The following CARM1 variants were observed in gnomAD, a reference collection of about 807,000 sequenced individuals.
CARM1 encodes histone-arginine methyltransferase CARM1.
Under a neutral mutation model 72.7 loss-of-function variants are expected in CARM1, and 14 were observed. That is an observed-to-expected ratio of 0.19 (90% confidence interval 0.13 to 0.30). The LOEUF (loss-of-function observed/expected upper bound fraction) is 0.30, where lower values mean the gene tolerates loss of function less well. Ranked by LOEUF, CARM1 falls within the 10% of genes least tolerant of loss-of-function variation. The pLI, the probability that CARM1 is intolerant of heterozygous loss-of-function variation, is 1.00. For synonymous variants in CARM1, 333 were observed against 345.5 expected (o/e 0.96, Z 0.40); for missense variants, 432 against 833.7 (o/e 0.52, Z 5.93).
At chr19:10,908,930 C>T (rs1453218916) in intron 3 of CARM1, among the ~76,000 whole-genome samples, 173 bp from the exon 4 acceptor site, 2 of 152,200 alleles carry the variant, frequency 1.3e-5, no homozygotes, top group Non-Finnish European at 2.9e-5. Context: ...GGCTGCCCTC[C>T]GGCTTCCTGC....
chr19:10,917,139 A>G (rs1167494542), intron 8 of CARM1, among the ~76,000 whole-genome samples: 1 of 152,130 alleles, frequency 6.6e-6, no homozygotes, highest in Non-Finnish European at 1.5e-5. Flanking sequence ...GATGTGATTT[A>G]TTGATTGATT....
At chr19:10,881,415 C>G (rs899777161) in intron 1 of CARM1, among the ~76,000 whole-genome samples, 4 of 152,168 alleles carry the variant, frequency 2.6e-5, no homozygotes, top group African/African-American at 9.7e-5. Context: ...GGAGTCTGCC[C>G]TGGCTGGTAA....
chr19:10,886,021 C>T (rs922877110), intron 1 of CARM1, among the ~76,000 whole-genome samples: 14 of 150,548 alleles, frequency 9.3e-5, no homozygotes, highest in African/African-American at 3.2e-4. Context: ...CGGCAGGTGG[C>T]CCCACACCTG....
chr19:10,900,760 C>T lies in CARM1; in HGVS notation c.221-4191C>T, dbSNP rs576369959. On this transcript the variant is annotated intron_variant, in intron 1 of 15. Transcript: ENST00000327064. The stretch of plus-strand genomic sequence containing the variant: ...GTGCAGTGGCGTGATCTCGGCTCAC[C>T]GCAAGCTCCGCCTCCCAGGTTCCTG... Among the ~76,000 whole-genome samples the T allele has an allele frequency of 5.4e-4, 82 of 151,778 alleles. No homozygotes were observed. In the Middle Eastern group the frequency reaches 0.01, roughly 19 times the overall value.
chr19:10,918,204 G>A (rs1414215257), intron 8 of CARM1, among the ~76,000 whole-genome samples: 1 of 152,052 alleles, frequency 6.6e-6, no homozygotes, highest in African/African-American at 2.4e-5. Flanking sequence ...TTACCAATAT[G>A]CTGCTGAACC....
intron 1 of CARM1, among the ~76,000 whole-genome samples, chr19:10,874,590 C>T (rs1485843214): frequency 2.0e-5 from 3 of 152,090 alleles, no homozygotes; most frequent in Non-Finnish European, 2.9e-5. Flanking sequence ...AGGGTTTTCA[C>T]TGTGTTGGCC....
intron 1 of CARM1, among the ~76,000 whole-genome samples, chr19:10,875,571 C>T (rs1283523090): frequency 6.6e-6 from 1 of 151,920 alleles, no homozygotes; most frequent in Non-Finnish European, 1.5e-5. Context: ...ACTACAGGCG[C>T]CCGCCACCAC....
intron 1 of CARM1, among the ~76,000 whole-genome samples, chr19:10,899,191 C>T (rs1484955154): frequency 2.0e-5 from 3 of 152,206 alleles, no homozygotes; most frequent in East Asian, 3.9e-4. Flanking sequence ...CCCTCAGCCC[C>T]GGCATCTTTG....
At chr19:10,903,877 AT>A (rs1333585497) in intron 1 of CARM1, among the ~76,000 whole-genome samples, 1 of 151,976 alleles carries the variant, frequency 6.6e-6, no homozygotes, top group Non-Finnish European at 1.5e-5. Flanking sequence ...TAATTTTTAA[AT>A]TTTTTTGTAG....
rs2074201917 is a variant in CARM1 at position 10,916,942 on chromosome 19, A to G, written c.1020+165A>G. Among the ~76,000 whole-genome samples the G allele has an allele frequency of 6.6e-6, 1 of 152,206 alleles. No homozygotes were observed. The highest frequency in any genetic ancestry group is 1.5e-5 in the Non-Finnish European group (1 of 68,034). On this transcript the variant is annotated intron_variant, in intron 8 of 15. Coordinates refer to ENST00000327064, the MANE Select transcript of CARM1 (RefSeq NM_199141.2). The surrounding 1 kb of genome is among the most constrained non-coding windows in gnomAD (Gnocchi z 4.4). ...GTGTCAATGCATGTAGACACTTAGC[A>G]CACAGCACACATGCAATACATGTGG...
At chr19:10,911,287 G>A (rs749617484) in intron 4 of CARM1, among the ~76,000 whole-genome samples, 33 of 152,132 alleles carry the variant, frequency 2.2e-4, no homozygotes, top group Non-Finnish European at 4.3e-4. Context: ...CTCATCCAGC[G>A]CCTGGGTCAC....
In CARM1 at chr19:10,920,505, C is replaced by T. The variant is rs747070569; in HGVS notation, c.1266C>T (p.Phe422=). Residue 422 remains phenylalanine, a synonymous_variant, in exon 11 of 16, where the codon TTC becomes TTT. Coordinates refer to ENST00000327064, the MANE Select transcript of CARM1 (RefSeq NM_199141.2). The surrounding 1 kb of genome is among the most constrained non-coding windows in gnomAD (Gnocchi z 5.3). ...LTHWYQVRCL[F]QSPLFAKAGD... ...ACTGGTACCAGGTGCGGTGCCTGTTCCAGTCACCACTGTTCGCCAAGGCAG... is the reference window on the plus strand; with the variant it reads ...ACTGGTACCAGGTGCGGTGCCTGTTTCAGTCACCACTGTTCGCCAAGGCAG... 1 of 1,613,596 alleles carries T rather than the reference C, an allele frequency of 6.2e-7. No homozygotes were observed. Among genetic ancestry groups the T allele is most frequent in the South Asian group, 1.1e-5 (1 of 91,084 alleles).
In CARM1 at chr19:10,874,917, C is replaced by T. The variant is rs114446724; in HGVS notation, c.220+2995C>T. On this transcript the variant is annotated intron_variant, in intron 1 of 15. Transcript: ENST00000327064. ...CCTGCGACTGTAGTCCCAGCTACTC[C>T]GGAGGATGAGGTGGGAGGATCGCTT... 4.2e-3 allele frequency among the ~76,000 whole-genome samples: 639 copies of T among 151,614 alleles called. 7 individuals are homozygous for T. Among genetic ancestry groups the T allele is most frequent in the African/African-American group, 0.015 (610 of 41,272 alleles).
Position 10,912,087 on chromosome 19 carries a change from C to T in CARM1, c.559-97C>T. The T allele has an allele frequency of 1.1e-6, 1 of 886,296 alleles. No individual in the cohort carries two copies. Among genetic ancestry groups the T allele is most frequent in the Admixed American group, 1.7e-5 (1 of 58,640 alleles). The allele number at this position is 886,296 out of a possible 1,614,324, so 54.9% of individuals were successfully genotyped here. On this transcript the variant is annotated intron_variant, in intron 4 of 15. Coordinates refer to ENST00000327064, the MANE Select transcript of CARM1 (RefSeq NM_199141.2). This position sits in a 1 kb window ranked among gnomAD's most constrained non-coding sequence, Gnocchi z 4.5. ...AAAGGGCAAACATTGAGAGTGAAGA[C>T]AGACGCCTCATGATGTGCACATCCC...
intron 6 of CARM1, among the ~76,000 whole-genome samples, 166 bp downstream of exon 6, chr19:10,914,220 G>A (rs1015206635): frequency 1.3e-5 from 2 of 152,164 alleles, no homozygotes; most frequent in African/African-American, 4.8e-5. Context: ...AGCCAGCTGT[G>A]GCTTTTGGAG....
intron 1 of CARM1, among the ~76,000 whole-genome samples, chr19:10,897,306 G>A (rs568582875): frequency 1.3e-5 from 2 of 152,298 alleles, no homozygotes; most frequent in East Asian, 3.9e-4. Context: ...ATAAGGCACC[G>A]GAACAGAGCC....
intron 1 of CARM1, among the ~76,000 whole-genome samples, chr19:10,897,505 G>A (rs2074032872): frequency 6.6e-6 from 1 of 152,156 alleles, no homozygotes; most frequent in African/African-American, 2.4e-5. Flanking sequence ...TGCAGTTCCA[G>A]CCCCTCCTCC....
Position 10,912,298 on chromosome 19 carries a change from A to G in CARM1, c.669+4A>G. The G allele has an allele frequency of 6.2e-7, 1 of 1,605,986 alleles. No individual in the cohort carries two copies. The highest frequency in any genetic ancestry group is 8.5e-7 in the Non-Finnish European group (1 of 1,172,954). ...CACCATGGCCCAGCACGCTGAGGTC[A>G]GTGGCCCGCTGGTGCCCACCCAGCC... On this transcript the variant is annotated splice_donor_region_variant and intron_variant, in intron 5 of 15. Coordinates refer to ENST00000327064, the MANE Select transcript of CARM1 (RefSeq NM_199141.2). This position sits in a 1 kb window ranked among gnomAD's most constrained non-coding sequence, Gnocchi z 4.5.
chr19:10,909,409 C>T (rs1370397248), intron 4 of CARM1, among the ~76,000 whole-genome samples: 4 of 151,948 alleles, frequency 2.6e-5, no homozygotes, highest in Admixed American at 6.6e-5. Context: ...CCAGCCTGGG[C>T]GACAGAGCGA....
Sources: allele counts gnomAD v4.1 joint callset (sites outside exome capture counted in the v4.1 genomes callset), GRCh38; gene constraint gnomAD v4.1.1; non-coding constraint Gnocchi (gnomAD v3.1); transcripts MANE v1.5; gene names NCBI Gene and HGNC (gene_info 2026-07-23, HGNC 2026-07-21).